Variants in CHD1 observed in about 807,000 individuals in gnomAD.
CHD1 encodes the protein ATP-dependent chromatin remodeler CHD1.
In CHD1, 36 loss-of-function variants were observed where a neutral mutation model predicts 224.2. The observed-to-expected ratio is 0.16, with a 90% confidence interval of 0.12 to 0.21. The LOEUF is 0.21. CHD1 is among the 10% of genes least tolerant of loss of function. The pLI is 1.00. For missense variants in CHD1, 1,378 were observed against 1,994.8 expected (o/e 0.69, Z 5.89); for synonymous variants, 668 against 658.3 (o/e 1.01, Z -0.23).
intron 17 of CHD1, among the ~76,000 whole-genome samples, chr5:98,886,409 C>A (rs1445862338): frequency 6.6e-6 from 1 of 152,168 alleles, no homozygotes; most frequent in African/African-American, 2.4e-5. Flanking sequence ...TGAGAGAACA[C>A]AGGAAAACAT....
At chr5:98,887,394 A>T (rs1750721898) in intron 17 of CHD1, among the ~76,000 whole-genome samples, 1 of 152,064 alleles carries the variant, frequency 6.6e-6, no homozygotes, top group African/African-American at 2.4e-5. Context: ...CATTATTATA[A>T]TTTTACTGCT....
At chr5:98,869,400 T>C (rs749370360) in intron 30 of CHD1, 41 of 319,644 alleles carry the variant, frequency 1.3e-4, no homozygotes, top group Non-Finnish European at 1.4e-4. Context: ...CCCCTAATAA[T>C]GATACATGCA....
intron 3 of CHD1, among the ~76,000 whole-genome samples, chr5:98,904,183 T>C (rs1400209382): frequency 2.0e-5 from 3 of 152,198 alleles, no homozygotes; most frequent in Non-Finnish European, 2.9e-5. Context: ...GTGCTACTCA[T>C]AGTGTGGTTA....
intron 28 of CHD1, 22 bp downstream of exon 28, chr5:98,872,029 A>C: frequency 1.3e-6 from 2 of 1,565,196 alleles, no homozygotes; most frequent in Non-Finnish European, 1.7e-6. Context: ...AATGGTTAAC[A>C]GAATCAGAAA....
chr5:98,869,301 T>C, intron 30 of CHD1: 3 of 986,422 alleles, frequency 3.0e-6, no homozygotes, highest in Admixed American at 6.1e-5. Context: ...GTATGGCCAA[T>C]GTATTACTAA....
intron 20 of CHD1, 39 bp from the exon 21 acceptor site, chr5:98,881,414 T>C (rs1423571309): frequency 2.0e-6 from 2 of 980,018 alleles, no homozygotes; most frequent in African/African-American, 3.4e-5. Context: ...CATTAACAGT[T>C]AAAAATATAA....
intron 2 of CHD1, among the ~76,000 whole-genome samples, chr5:98,920,277 T>A (rs1753005793): frequency 6.6e-6 from 1 of 152,120 alleles, no homozygotes; most frequent in African/African-American, 2.4e-5. Context: ...CCAACCCTCT[T>A]GAAAGTAGGC....
intron 7 of CHD1, among the ~76,000 whole-genome samples, chr5:98,900,493 G>A (rs1751632539): frequency 6.8e-6 from 1 of 147,678 alleles, no homozygotes; most frequent in Non-Finnish European, 1.5e-5. Context: ...AGGCTGGAGT[G>A]CAGTCGTGCA....
At chr5:98,914,860 C>A (rs1361866145) in intron 2 of CHD1, among the ~76,000 whole-genome samples, 1 of 149,074 alleles carries the variant, frequency 6.7e-6, no homozygotes, top group Admixed American at 6.6e-5. Context: ...AATTCCTTCA[C>A]AGTATTACAA....
intron 24 of CHD1, among the ~76,000 whole-genome samples, chr5:98,875,507 A>C (rs1749683784): frequency 1.3e-5 from 2 of 152,200 alleles, no homozygotes; most frequent in Non-Finnish European, 2.9e-5. Context: ...GAATAGCTTT[A>C]ATTCAGATGT....
chr5:98,872,579 G>C, intron 26 of CHD1, 24 bp from the exon 27 acceptor site: 1 of 1,603,196 alleles, frequency 6.2e-7, no homozygotes, highest in Non-Finnish European at 8.5e-7. Context: ...AAAAAAACCA[G>C]TATTTTTAAA....
intron 3 of CHD1, 139 bp downstream of exon 3, chr5:98,904,758 T>G: frequency 1.3e-6 from 1 of 761,138 alleles, no homozygotes; most frequent in Non-Finnish European, 2.1e-6. Flanking sequence ...ACCATGAATG[T>G]GAGAATCACT....
Position 98,872,688 on chromosome 5 carries a change from G to A in CHD1, c.3572-133C>T. ...TTATTTATATTATTAAGAGATTACT[G>A]GAAAACCTTGAACTTCATTACATAT... On this transcript the variant is annotated intron_variant, in intron 26 of 35. Transcript: ENST00000614616. 7.8e-6 allele frequency: 6 copies of A among 769,498 alleles called. No individual in the cohort carries two copies. The East Asian group carries it at 8.3e-5, about 11-fold the overall frequency. The allele number at this position is 769,498 out of a possible 1,614,324, so 47.7% of individuals were successfully genotyped here.
chr5:98,923,404 T>C (rs952975801), intron 2 of CHD1, among the ~76,000 whole-genome samples: 1 of 149,108 alleles, frequency 6.7e-6, no homozygotes, highest in African/African-American at 2.6e-5. Context: ...TTAAATTTGA[T>C]TTCGCAAGGT....
intron 23 of CHD1, 73 bp downstream of exon 23, chr5:98,879,479 G>T: frequency 1.5e-6 from 2 of 1,372,186 alleles, no homozygotes; most frequent in Non-Finnish European, 2.0e-6. Flanking sequence ...CTGATACCTC[G>T]TAGAAACAAA....
At position 98,897,301 on chromosome 5, in the gene CHD1, C is replaced by G; in HGVS notation, c.1385G>C (p.Arg462Thr). Residue 462 changes from arginine to threonine, a missense_variant, in exon 11 of 36, where the codon AGG becomes ACG. This residue lies in a region of CHD1 where 86 missense variants were observed against 97.7 expected (regional missense o/e 0.88). Transcript: ENST00000614616. ...TGGCTGCTTCTTCAGGGCTACAAAC[C>G]TTGGCCTTTGTTTTAATACCTTTAG... Reference protein sequence around the residue: ...KDCKVLKQRPRFVALKKQPSY... With the variant: ...KDCKVLKQRPTFVALKKQPSY... 1 of 1,605,414 alleles carries G rather than the reference C, an allele frequency of 6.2e-7. No individual in the cohort carries two copies.
intron 32 of CHD1, among the ~76,000 whole-genome samples, chr5:98,861,024 A>C (rs1748429410): frequency 6.6e-6 from 1 of 152,178 alleles, no homozygotes; most frequent in Non-Finnish European, 1.5e-5. Context: ...CCCCCCAAAA[A>C]ATCTAGTCAG....
chr5:98,926,431 C>T lies in CHD1; in HGVS notation c.-45G>A. 1 of 1,089,090 alleles carries T rather than the reference C, an allele frequency of 9.2e-7. No homozygotes were observed. Among genetic ancestry groups the T allele is most frequent in the South Asian group, 1.6e-5 (1 of 60,830 alleles). The allele number at this position is 1,089,090 out of a possible 1,614,324, so 67.5% of individuals were successfully genotyped here. Reference sequence around the variant, plus strand: ...GTTTTAAAGTAAAATATAAATCTTCCCAGTTTAAAAGATGAATATAAATAC... The same window carrying T: ...GTTTTAAAGTAAAATATAAATCTTCTCAGTTTAAAAGATGAATATAAATAC... On this transcript the variant is annotated 5_prime_UTR_variant, in exon 2 of 36. Transcript: ENST00000614616.
At chr5:98,913,131 T>C (rs1330265581) in intron 2 of CHD1, among the ~76,000 whole-genome samples, 1 of 152,222 alleles carries the variant, frequency 6.6e-6, no homozygotes, top group African/African-American at 2.4e-5. Context: ...CCTATGCCTC[T>C]TGTTCCCTTC....
Sources: allele counts gnomAD v4.1 joint callset (sites outside exome capture counted in the v4.1 genomes callset), GRCh38; gene constraint gnomAD v4.1.1; regional missense constraint gnomAD v4.1.1; transcripts MANE v1.5; gene names NCBI Gene and HGNC (gene_info 2026-07-23, HGNC 2026-07-21).